The following GBE1 variants were observed in gnomAD, a reference collection of about 807,000 sequenced individuals.
The protein encoded by GBE1 is 1,4-alpha-glucan branching enzyme 1.
GBE1 carries 70 observed loss-of-function variants against 88.8 expected under a neutral mutation model. That is an observed-to-expected ratio of 0.79 (90% CI 0.65 to 0.96). The LOEUF is 0.96. GBE1 is among the 40% of genes least tolerant of loss of function. GBE1 has a pLI of 0.00. For missense variants in GBE1, 872 were observed against 871.0 expected (o/e 1.00, Z -0.01); for synonymous variants, 284 against 300.1 (o/e 0.95, Z 0.56).
At chr3:81,538,147 C>T (rs959885887) in intron 12 of GBE1, among the ~76,000 whole-genome samples, 6 of 151,840 alleles carry the variant, frequency 4.0e-5, no homozygotes. Flanking sequence ...CCGCAAATTT[C>T]TAATTAATTT....
At chr3:81,743,757 C>T in intron 1 of GBE1, 1 of 579,194 alleles carries the variant, frequency 1.7e-6, no homozygotes, top group Non-Finnish European at 3.0e-6. Context: ...TGTGTTTTTG[C>T]TTTATAGGAC....
intron 14 of GBE1, among the ~76,000 whole-genome samples, chr3:81,530,341 A>C (rs539995099): frequency 4.7e-5 from 7 of 148,396 alleles, no homozygotes; most frequent in African/African-American, 1.7e-4. Flanking sequence ...TGATTTATTT[A>C]GTTTGTTTGG....
intron 7 of GBE1, among the ~76,000 whole-genome samples, chr3:81,603,059 C>A (rs2106972676): frequency 6.6e-6 from 1 of 152,134 alleles, no homozygotes; most frequent in East Asian, 1.9e-4. Flanking sequence ...AACTAGCTAT[C>A]CATATGGTCT....
chr3:81,543,249 C>G (rs1703164772), intron 12 of GBE1, among the ~76,000 whole-genome samples: 1 of 151,838 alleles, frequency 6.6e-6, no homozygotes, highest in Non-Finnish European at 1.5e-5. Context: ...TCTTTTTAGA[C>G]TGAAAAATAT....
At chr3:81,598,278 G>A (rs1703985870) in intron 7 of GBE1, among the ~76,000 whole-genome samples, 1 of 151,836 alleles carries the variant, frequency 6.6e-6, no homozygotes, top group Non-Finnish European at 1.5e-5. Context: ...TATTCCATAG[G>A]CTTTTAGGCT....
At chr3:81,750,538 C>CGTATATATATAT (rs1173121158) in intron 1 of GBE1, among the ~76,000 whole-genome samples, 3 of 67,830 alleles carry the variant, frequency 4.4e-5, no homozygotes, top group African/African-American at 2.4e-4. Context: ...TATATATATA[C>CGTATATATATAT]GTATATATAT....
rs146716524 is a variant in GBE1 at position 81,656,440 on chromosome 3, G to T, written c.430-6519C>A. Among the ~76,000 whole-genome samples the T allele has an allele frequency of 3.9e-5, 6 of 152,272 alleles. No individual in the cohort carries two copies. The East Asian group carries it at 1.2e-3, about 29-fold the overall frequency. ...CCCCTAGAACCTCCAGAGGGACTAT[G>T]GCCCTGACAACAACTTGATTTCAGC... is the stretch of plus-strand genomic sequence containing the variant. On this transcript the variant is annotated intron_variant, in intron 3 of 15. Transcript: ENST00000429644.
At position 81,702,098 on chromosome 3, in the gene GBE1, AGAGAGTGT is replaced by A. The variant is rs1365488650; in HGVS notation, c.313+3338_313+3345del. 1.6e-3 allele frequency among the ~76,000 whole-genome samples: 67 copies of A among 40,752 alleles called. 1 individual carries two copies. In the South Asian group the frequency reaches 0.035, roughly 21 times the overall value. The allele number at this position is 40,752 out of a possible 152,430, so 26.7% of individuals were successfully genotyped here. ...AGAATCCCTGGAGAGAGAGAGAGAGAGAGAGTGTGTGTGTGTGTGTGTGTGTGTGTGTG... is the reference window on the plus strand; with the variant it reads ...AGAATCCCTGGAGAGAGAGAGAGAGAGTGTGTGTGTGTGTGTGTGTGTGTG... On this transcript the variant is annotated intron_variant, in intron 2 of 15. Transcript: ENST00000429644.
intron 1 of GBE1, among the ~76,000 whole-genome samples, chr3:81,710,311 T>G (rs1047788194): frequency 1.5e-5 from 2 of 136,510 alleles, no homozygotes; most frequent in African/African-American, 5.5e-5. Flanking sequence ...CTCGGCTCAC[T>G]ACAAGCTCCG....
chr3:81,550,836 G>T (rs1286174238), intron 12 of GBE1, among the ~76,000 whole-genome samples: 2 of 152,166 alleles, frequency 1.3e-5, no homozygotes, highest in Non-Finnish European at 2.9e-5. Context: ...AAATAATCAA[G>T]AAATAACCAT....
chr3:81,673,432 C>G (rs1347222644), intron 2 of GBE1, among the ~76,000 whole-genome samples: 1 of 151,354 alleles, frequency 6.6e-6, no homozygotes, highest in Non-Finnish European at 1.5e-5. Context: ...TATAATAGAC[C>G]AATATAAATG....
intron 14 of GBE1, among the ~76,000 whole-genome samples, chr3:81,528,693 C>T (rs1702977916): frequency 6.6e-6 from 1 of 151,948 alleles, no homozygotes; most frequent in African/African-American, 2.4e-5. Flanking sequence ...GTTATATTCT[C>T]TTGTTGAATT....
chr3:81,494,873 A>C (rs1473766648), intron 15 of GBE1, among the ~76,000 whole-genome samples: 1 of 152,244 alleles, frequency 6.6e-6, no homozygotes, highest in African/African-American at 2.4e-5. Flanking sequence ...TCATTCAGGC[A>C]AAATGTTATT....
intron 1 of GBE1, 133 bp from the exon 2 acceptor site, chr3:81,705,746 T>G (rs937215113): frequency 5.6e-6 from 3 of 534,976 alleles, no homozygotes; most frequent in African/African-American, 4.0e-5. Flanking sequence ...TATAAATAAT[T>G]TCATTTATTA....
At chr3:81,718,030 A>T (rs1177881371) in intron 1 of GBE1, among the ~76,000 whole-genome samples, 1 of 151,776 alleles carries the variant, frequency 6.6e-6, no homozygotes, top group East Asian at 1.9e-4. Context: ...CCCAGGCTGG[A>T]GTGCAGTGGC....
chr3:81,575,309 C>A (rs958444906), intron 12 of GBE1, among the ~76,000 whole-genome samples: 4 of 151,864 alleles, frequency 2.6e-5, no homozygotes, highest in Non-Finnish European at 5.9e-5. Flanking sequence ...AAACCATTCA[C>A]AATAACCTAG....
At chr3:81,521,938 T>C (rs543626726) in intron 14 of GBE1, among the ~76,000 whole-genome samples, 228 of 151,642 alleles carry the variant, frequency 1.5e-3, no homozygotes, top group African/African-American at 5.3e-3. Context: ...AATGCAACTT[T>C]AACTCCATGA....
intron 12 of GBE1, among the ~76,000 whole-genome samples, chr3:81,544,898 T>C (rs972780269): frequency 7.2e-5 from 11 of 152,202 alleles, no homozygotes; most frequent in Admixed American, 6.5e-4. Flanking sequence ...CAGGTTTGTG[T>C]ATTTTTTTTC....
At chr3:81,690,282 C>G (rs1433832611) in intron 2 of GBE1, among the ~76,000 whole-genome samples, 1 of 152,218 alleles carries the variant, frequency 6.6e-6, no homozygotes, top group East Asian at 1.9e-4. Flanking sequence ...AGCGCTAACA[C>G]TGTGTGTGCA....
Sources: gnomAD v4.1 joint callset for allele counts (sites outside exome capture counted in the v4.1 genomes callset) on GRCh38, gnomAD v4.1.1 for gene constraint, MANE v1.5 for transcripts, NCBI Gene and HGNC (gene_info 2026-07-23, HGNC 2026-07-21) for gene names.